ARFGEF1: variants seen among roughly 807,000 people sequenced by gnomAD.
ARFGEF1 encodes the protein brefeldin A-inhibited guanine nucleotide-exchange protein 1.
A neutral mutation model predicts 231.0 loss-of-function variants in ARFGEF1; 42 were observed. The ratio of observed to expected loss-of-function variants is 0.18; its 90% CI spans 0.14 to 0.24. The LOEUF is 0.24. ARFGEF1 is among the 10% of genes least tolerant of loss of function. The pLI, the probability that ARFGEF1 is intolerant of heterozygous loss-of-function variation, is 1.00. For missense variants in ARFGEF1, 1,345 were observed against 2,192.0 expected (o/e 0.61, Z 7.72); for synonymous variants, 710 against 732.3 (o/e 0.97, Z 0.49).
chr8:67,233,128 G>A (rs1280063361), intron 22 of ARFGEF1, among the ~76,000 whole-genome samples, 183 bp from the exon 23 acceptor site: 2 of 151,962 alleles, frequency 1.3e-5, no homozygotes, highest in Non-Finnish European at 2.9e-5. Context: ...ACTTTACTAA[G>A]TAGTATACAA....
At chr8:67,266,241 C>T in intron 13 of ARFGEF1, 34 bp from the exon 14 acceptor site, 1 of 1,557,274 alleles carries the variant, frequency 6.4e-7, no homozygotes, top group Admixed American at 1.9e-5. Flanking sequence ...GTACATTATT[C>T]TATCAAAGAA....
chr8:67,185,115 A>AC, intron 5 of ARFGEF1, among the ~76,000 whole-genome samples: 1 of 150,074 alleles, frequency 6.7e-6, no homozygotes, highest in African/African-American at 2.5e-5. Flanking sequence ...AAAAAAAAAA[A>AC]AACAAAAACA....
At chr8:67,249,595 A>T (rs974708533) in intron 19 of ARFGEF1, among the ~76,000 whole-genome samples, 1 of 149,988 alleles carries the variant, frequency 6.7e-6, no homozygotes, top group Non-Finnish European at 1.5e-5. Context: ...ACAGTGCAGA[A>T]CTCTCAGAGA....
At chr8:67,183,759 A>G (rs2129572326) in intron 5 of ARFGEF1, among the ~76,000 whole-genome samples, 1 of 151,614 alleles carries the variant, frequency 6.6e-6, no homozygotes. Flanking sequence ...GACCTTGGAT[A>G]TGGTGATGAC....
At chr8:67,216,446 AT>A (rs1043287794) in intron 33 of ARFGEF1, 143 bp downstream of exon 33, 2 of 726,760 alleles carry the variant, frequency 2.8e-6, no homozygotes, top group South Asian at 2.2e-5. Flanking sequence ...TAAAAAAAAA[AT>A]GTCTATTTAT....
chr8:67,268,038 A>G (rs1370473459), intron 10 of ARFGEF1, among the ~76,000 whole-genome samples: 9 of 152,226 alleles, frequency 5.9e-5, no homozygotes. Flanking sequence ...ACCTAATGAG[A>G]TAAATTTCAA....
chr8:67,343,052 A>T, intron 1 of ARFGEF1, 112 bp downstream of exon 1: 1 of 1,271,640 alleles, frequency 7.9e-7, no homozygotes, highest in Non-Finnish European at 1.1e-6. Context: ...GGGCTTCCCG[A>T]GGTCAGAGGC....
intron 19 of ARFGEF1, among the ~76,000 whole-genome samples, chr8:67,243,210 G>A (rs1246844849): frequency 2.6e-5 from 4 of 152,220 alleles, no homozygotes; most frequent in Non-Finnish European, 5.9e-5. Flanking sequence ...GTCCCCTAAA[G>A]CAGATACGGC....
At chr8:67,266,785 C>T in intron 13 of ARFGEF1, 91 bp downstream of exon 13, 1 of 852,296 alleles carries the variant, frequency 1.2e-6, no homozygotes. Context: ...ATAAATATGT[C>T]ATGAAATTGG....
intron 6 of ARFGEF1, 86 bp from the exon 7 acceptor site, chr8:67,288,151 A>C (rs920261860): frequency 3.1e-5 from 22 of 721,096 alleles, no homozygotes; most frequent in Non-Finnish European, 4.0e-5. Context: ...AAACTCCTAA[A>C]TCATGAGGAA....
rs1298260993 is a variant in ARFGEF1 at position 67,299,481 on chromosome 8, G to A, written c.313-126C>T. The A allele has an allele frequency of 1.2e-5, 11 of 881,258 alleles. No individual in the cohort carries two copies. The Admixed American group carries it at 3.4e-4, about 27-fold the overall frequency. 54.6% of individuals were successfully genotyped at this position (881,258 alleles called of 1,614,324 possible). On this transcript the variant is annotated intron_variant, in intron 3 of 38. Transcript: ENST00000262215. ...TAAAATTTTTACACAAAAACATAAA[G>A]GTATTATCAAAGCCAAAGCTATACC... is the stretch of plus-strand genomic sequence containing the variant.
intron 9 of ARFGEF1, among the ~76,000 whole-genome samples, chr8:67,275,643 A>C (rs921956976): frequency 2.6e-5 from 4 of 152,218 alleles, no homozygotes; most frequent in African/African-American, 9.6e-5. Context: ...ATACTTATTG[A>C]GCCCCTCCTA....
At chr8:67,270,609 C>G (rs1166532600) in intron 10 of ARFGEF1, among the ~76,000 whole-genome samples, 2 of 143,900 alleles carry the variant, frequency 1.4e-5, no homozygotes, top group Non-Finnish European at 3.0e-5. Flanking sequence ...AACATTTCAA[C>G]AAATAACAAA....
rs1016223944 is a variant in ARFGEF1 at position 67,247,378 on chromosome 8, A to G, written c.2850+3921T>C. Among the ~76,000 whole-genome samples the G allele has an allele frequency of 1.0e-4, 15 of 150,562 alleles. 2 individuals carry two copies. Among genetic ancestry groups the G allele is most frequent in the African/African-American group, 3.7e-4 (15 of 40,368 alleles). On this transcript the variant is annotated intron_variant, in intron 19 of 38. Transcript: ENST00000262215. ...CAAACCAAATTCAACAACACATTTA[A>G]AAGATTATTCATCATGACCAAGTGG... is the stretch of plus-strand genomic sequence containing the variant.
At chr8:67,247,546 G>T (rs1250799354) in intron 19 of ARFGEF1, among the ~76,000 whole-genome samples, 2 of 150,106 alleles carry the variant, frequency 1.3e-5, no homozygotes, top group East Asian at 3.9e-4. Context: ...AAAGAAGTAG[G>T]TATAGAAGGA....
At chr8:67,235,971 T>C (rs1294159465) in intron 22 of ARFGEF1, among the ~76,000 whole-genome samples, 3 of 152,052 alleles carry the variant, frequency 2.0e-5, no homozygotes, top group Admixed American at 1.3e-4. Context: ...CTTGGTTACA[T>C]GGAATACTCA....
intron 17 of ARFGEF1, among the ~76,000 whole-genome samples, chr8:67,255,390 GTA>G (rs1840422733): frequency 1.3e-5 from 2 of 151,918 alleles, no homozygotes; most frequent in African/African-American, 4.8e-5. Context: ...GATGATTATT[GTA>G]TACACAAAAA....
intron 34 of ARFGEF1, among the ~76,000 whole-genome samples, chr8:67,207,703 A>G (rs1838571754): frequency 6.6e-6 from 1 of 152,174 alleles, no homozygotes; most frequent in South Asian, 2.1e-4. Flanking sequence ...CTTTTCACTG[A>G]GTTGGAGAGT....
intron 1 of ARFGEF1, among the ~76,000 whole-genome samples, chr8:67,342,009 T>C (rs1808653215): frequency 6.6e-6 from 1 of 152,224 alleles, no homozygotes; most frequent in Non-Finnish European, 1.5e-5. Context: ...TAGTCTTCCA[T>C]TTAATAATTA....
Sources: allele counts gnomAD v4.1 joint callset (sites outside exome capture counted in the v4.1 genomes callset), GRCh38; gene constraint gnomAD v4.1.1; transcripts MANE v1.5; gene names NCBI Gene and HGNC (gene_info 2026-07-23, HGNC 2026-07-21).